The following ERC1 variants were observed in gnomAD, a reference collection of about 807,000 sequenced individuals.
The protein encoded by ERC1 is ELKS/RAB6-interacting/CAST family member 1.
Under a neutral mutation model 132.0 loss-of-function variants are expected in ERC1, and 56 were observed. The ratio of observed to expected loss-of-function variants is 0.42; its 90% confidence interval spans 0.34 to 0.53. The LOEUF (loss-of-function observed/expected upper bound fraction) is 0.53. Among genes scored for constraint, ERC1 ranks in the 20% least tolerant of loss-of-function variants. The pLI is 0.03. For synonymous variants in ERC1, 478 were observed against 476.1 expected, an observed-to-expected ratio of 1.00 and a Z score of -0.05; for missense variants, 1,202 against 1,349.9, an observed-to-expected ratio of 0.89 and a Z score of 1.72.
chr12:1,222,062 T>C (rs947693259), intron 12 of ERC1, among the ~76,000 whole-genome samples: 6 of 152,152 alleles, frequency 3.9e-5, no homozygotes, highest in Non-Finnish European at 7.3e-5. Flanking sequence ...TACTGAATAC[T>C]GTAGGCAGCA....
At position 1,141,639 on chromosome 12, in the gene ERC1, G is replaced by A. The variant is rs766772086; in HGVS notation, c.1589G>A (p.Arg530His). 39 of 1,610,462 alleles carry A rather than the reference G, an allele frequency of 2.4e-5. No individual in the cohort carries two copies. Among genetic ancestry groups the A allele is most frequent in the Non-Finnish European group, 3.2e-5 (38 of 1,178,138 alleles). ...LQTEVDALRL[R>H]LEEKETMLNK... ...TCTTAGGTGGATGCTCTCCGATTGC[G>A]TTTGGAAGAGAAGGAAACCATGTTG... The change falls in exon 8 of 19, where the codon CGT (arginine) becomes CAT (histidine). Residue 530 changes from arginine (R) to histidine (H), a missense_variant. Arg to His is a conservative substitution (Grantham distance 29). Coordinates refer to ENST00000360905, the MANE Select transcript of ERC1 (RefSeq NM_178040.4).
intron 16 of ERC1, among the ~76,000 whole-genome samples, chr12:1,388,346 A>C (rs1434348020): frequency 2.3e-5 from 1 of 43,056 alleles, no homozygotes; most frequent in Non-Finnish European, 4.2e-5. Context: ...ACTCTGTCTC[A>C]AAAAAAAAAA....
chr12:1,441,984 G>A (rs889524225), intron 17 of ERC1, among the ~76,000 whole-genome samples: 18 of 152,190 alleles, frequency 1.2e-4, no homozygotes, highest in Non-Finnish European at 2.2e-4. Context: ...CTGGAGTGCA[G>A]TGGTGTGATC....
intron 1 of ERC1, among the ~76,000 whole-genome samples, chr12:1,004,953 T>G (rs1963290472): frequency 6.6e-6 from 1 of 152,048 alleles, no homozygotes; most frequent in South Asian, 2.1e-4. Context: ...GATTCATCAT[T>G]AAGAAGTTAT....
At chr12:1,117,960 T>C (rs764020864) in intron 7 of ERC1, among the ~76,000 whole-genome samples, 1 of 152,206 alleles carries the variant, frequency 6.6e-6, no homozygotes, top group Non-Finnish European at 1.5e-5. Flanking sequence ...AGTAGGTATA[T>C]ATATTTATGG....
intron 13 of ERC1, among the ~76,000 whole-genome samples, chr12:1,237,333 C>T (rs929297964): frequency 1.3e-5 from 2 of 152,078 alleles, no homozygotes; most frequent in Non-Finnish European, 2.9e-5. Context: ...CTCTATCTTT[C>T]CTTCCTTTCC....
intron 12 of ERC1, chr12:1,204,439 C>G (rs1480293141): frequency 7.2e-7 from 1 of 1,388,180 alleles, no homozygotes; most frequent in Non-Finnish European, 9.9e-7. Flanking sequence ...GAATATTGTC[C>G]TTATTAATTC....
chr12:1,183,319 G>T lies in ERC1; in HGVS notation c.2055G>T (p.Leu685=). ...LLDLKEHASS[L]ASSGLKKDSR... The stretch of plus-strand genomic sequence containing the variant: ...ATCTGAAAGAGCATGCTTCTTCTCT[G>T]GCATCCTCAGGACTGAAAAAGGACT... The change falls in exon 11 of 19, where the codon CTG becomes CTT. Residue 685 remains leucine, a synonymous_variant. Transcript: ENST00000360905. The T allele has an allele frequency of 6.3e-7, 1 of 1,578,820 alleles. No individual in the cohort carries two copies. The highest frequency in any genetic ancestry group is 8.6e-7 in the Non-Finnish European group (1 of 1,157,070).
chr12:1,198,223 C>T (rs1956526392), intron 12 of ERC1, among the ~76,000 whole-genome samples: 1 of 152,146 alleles, frequency 6.6e-6, no homozygotes. Flanking sequence ...CCACTGCAGC[C>T]AGCCCTGAAA....
chr12:1,472,891 A>G (rs1018820174), intron 18 of ERC1, among the ~76,000 whole-genome samples: 13 of 152,210 alleles, frequency 8.5e-5, no homozygotes, highest in African/African-American at 2.9e-4. Flanking sequence ...ATCTTCTATC[A>G]TGAGGGAAAG....
chr12:1,224,706 C>T (rs770586487), intron 12 of ERC1, among the ~76,000 whole-genome samples: 2 of 151,928 alleles, frequency 1.3e-5, no homozygotes, highest in Non-Finnish European at 2.9e-5. Flanking sequence ...ATAGGCTGGG[C>T]GCTGTAGCTC....
At position 1,494,263 on chromosome 12, in the gene ERC1, G is replaced by A. The variant is rs1281906907; in HGVS notation, c.*4033G>A. 1 of 231,998 alleles carries A rather than the reference G, an allele frequency of 4.3e-6. No individual in the cohort carries two copies. The highest frequency in any genetic ancestry group is 2.2e-5 in the African/African-American group (1 of 45,272). 14.4% of individuals were successfully genotyped at this position (231,998 alleles called of 1,614,324 possible). ...GACTGCAATGCAGCAGGCACCCTCT[G>A]CAGAGTGAGGCCGCCCGTCCATCAC... is the stretch of plus-strand genomic sequence containing the variant. On this transcript the variant is annotated 3_prime_UTR_variant, in exon 19 of 19. Transcript: ENST00000360905.
At chr12:1,092,682 C>T (rs1039231615) in intron 3 of ERC1, among the ~76,000 whole-genome samples, 4 of 152,116 alleles carry the variant, frequency 2.6e-5, no homozygotes, top group African/African-American at 9.7e-5. Flanking sequence ...AATTCTAGGG[C>T]GGGTGCAATG....
At chr12:1,074,622 A>T (rs1256044581) in intron 2 of ERC1, among the ~76,000 whole-genome samples, 2 of 152,072 alleles carry the variant, frequency 1.3e-5, no homozygotes, top group African/African-American at 4.8e-5. Flanking sequence ...TTTAACTTCT[A>T]TTCTGGGTTG....
chr12:1,375,771 T>C (rs2154376110), intron 16 of ERC1, among the ~76,000 whole-genome samples: 1 of 146,378 alleles, frequency 6.8e-6, no homozygotes, highest in Middle Eastern at 3.6e-3. Flanking sequence ...GGAGTTTTGC[T>C]CTGTTCCCCA....
At chr12:1,434,227 C>G (rs2092886864) in intron 17 of ERC1, among the ~76,000 whole-genome samples, 1 of 152,150 alleles carries the variant, frequency 6.6e-6, no homozygotes, top group Non-Finnish European at 1.5e-5. Context: ...CTCTGGATTT[C>G]CTCACTAAAA....
chr12:1,332,354 A>T (rs967352666), intron 15 of ERC1, among the ~76,000 whole-genome samples: 1 of 152,160 alleles, frequency 6.6e-6, no homozygotes, highest in Non-Finnish European at 1.5e-5. Context: ...ATGTTCTTCT[A>T]CTTCCTGAAT....
chr12:1,287,703 T>C (rs1328345832), intron 14 of ERC1, among the ~76,000 whole-genome samples: 2 of 152,212 alleles, frequency 1.3e-5, no homozygotes, highest in East Asian at 3.8e-4. Context: ...ACTGGAGCTA[T>C]ACCATTGGCT....
intron 8 of ERC1, 126 bp downstream of exon 8, chr12:1,141,913 A>G: frequency 4.2e-6 from 3 of 711,350 alleles, no homozygotes; most frequent in Non-Finnish European, 6.4e-6. Context: ...TGTGATTAGT[A>G]ATTTGGAACT....
Sources: allele counts gnomAD v4.1 joint callset (sites outside exome capture counted in the v4.1 genomes callset), GRCh38; gene constraint gnomAD v4.1.1; transcripts MANE v1.5; gene names NCBI Gene and HGNC (gene_info 2026-07-23, HGNC 2026-07-21).